ZNF195: variants seen among roughly 807,000 people sequenced by gnomAD.
ZNF195 encodes hypoxia-regulated factor-1.
Under a neutral mutation model 19.5 loss-of-function variants are expected in ZNF195, and 11 were observed. The ratio of observed to expected loss-of-function variants is 0.57; its 90% confidence interval spans 0.36 to 0.94. The LOEUF (loss-of-function observed/expected upper bound fraction) is 0.94. ZNF195 is among the 40% of genes least tolerant of loss of function. ZNF195 has a pLI of 0.01. For missense variants in ZNF195, 582 were observed against 709.0 expected, an observed-to-expected ratio of 0.82 and a Z score of 2.03; for synonymous variants, 214 against 248.1, an observed-to-expected ratio of 0.86 and a Z score of 1.29.
At position 3,359,330 on chromosome 11, in the gene ZNF195, T is replaced by G; in HGVS notation, c.1678A>C (p.Met560Leu). 1 of 1,613,924 alleles carries G rather than the reference T, an allele frequency of 6.2e-7. No homozygotes were observed. The highest frequency in any genetic ancestry group is 8.5e-7 in the Non-Finnish European group (1 of 1,179,896). ...TGTTTGGTAATGTCTGAGAACCACA[T>G]GAAGACTCTGCCACATTCTTCACAC... ...YKCEECGRVF[M>L]WFSDITKHKK... The change falls in exon 6 of 6, where the codon ATG becomes CTG. Residue 560 changes from methionine to leucine, a missense_variant. Coordinates refer to ENST00000399602, the MANE Select transcript of ZNF195 (RefSeq NM_001130520.3). This position sits in a 1 kb window ranked among gnomAD's most constrained non-coding sequence, Gnocchi z 5.5.
In ZNF195 at chr11:3,362,454, T is replaced by C. The variant is rs1589803458; in HGVS notation, c.227-565A>G. The C allele has an allele frequency of 1.3e-5, 5 of 389,516 alleles. No individual in the cohort carries two copies. The East Asian group carries it at 1.8e-4, about 14-fold the overall frequency. 24.1% of individuals were successfully genotyped at this position (389,516 alleles called of 1,614,324 possible). A position where few individuals can be genotyped will look rare whatever the true frequency, so the allele number is the denominator to read the frequency against. Reference sequence around the variant, plus strand: ...TTAATGGATATACAACATTAAATGATTTAGGGATATCAGTAACAAAGTTGA... The same window carrying C: ...TTAATGGATATACAACATTAAATGACTTAGGGATATCAGTAACAAAGTTGA... On this transcript the variant is annotated intron_variant, in intron 3 of 5. Transcript: ENST00000399602.
At chr11:3,370,176 T>C (rs975956379) in intron 3 of ZNF195, among the ~76,000 whole-genome samples, 3 of 151,932 alleles carry the variant, frequency 2.0e-5, no homozygotes, top group Non-Finnish European at 4.4e-5. Flanking sequence ...ATATTATATA[T>C]ACACACATAT....
intron 1 of ZNF195, among the ~76,000 whole-genome samples, chr11:3,372,814 C>T (rs2133725858): frequency 6.6e-6 from 1 of 152,372 alleles, no homozygotes; most frequent in South Asian, 2.1e-4. Flanking sequence ...TCACTGCTAC[C>T]TCTGCCTCCC....
At chr11:3,377,171 A>C (rs957253922) in intron 1 of ZNF195, among the ~76,000 whole-genome samples, 12 of 152,324 alleles carry the variant, frequency 7.9e-5, no homozygotes, top group African/African-American at 2.9e-4. Context: ...CTACTGATAA[A>C]ATGTAAATTT....
At chr11:3,372,168 C>T (rs1301390302) in intron 1 of ZNF195, among the ~76,000 whole-genome samples, 1 of 152,130 alleles carries the variant, frequency 6.6e-6, no homozygotes, top group Non-Finnish European at 1.5e-5. Flanking sequence ...TGTCAAAAAT[C>T]CTGTAAGTGG....
chr11:3,377,622 T>C (rs1164161599), intron 1 of ZNF195: 1 of 1,227,724 alleles, frequency 8.1e-7, no homozygotes, highest in South Asian at 1.5e-5. Flanking sequence ...GTTACCTCTT[T>C]AGAGGAAGAG....
In ZNF195 at chr11:3,359,904, G is replaced by A. The variant is rs373253796; in HGVS notation, c.1104C>T (p.Ser368=). The A allele has an allele frequency of 6.2e-7, 1 of 1,614,202 alleles. No homozygotes were observed. The highest frequency in any genetic ancestry group is 1.1e-5 in the South Asian group (1 of 91,092). ...ECSSVFISCS[S]LSNQQMILAG... ...CAAGAATCATCTGTTGATTAGAAAG[G>A]CTTGAGCAAGAGATAAAGACACTGC... Residue 368 remains serine, a synonymous_variant, in exon 6 of 6, where the codon AGC becomes AGT. Coordinates refer to ENST00000399602, the MANE Select transcript of ZNF195 (RefSeq NM_001130520.3). The surrounding 1 kb of genome is among the most constrained non-coding windows in gnomAD (Gnocchi z 5.5).
chr11:3,361,384 C>T (rs921543205), intron 4 of ZNF195, among the ~76,000 whole-genome samples: 1 of 152,044 alleles, frequency 6.6e-6, no homozygotes, highest in African/African-American at 2.4e-5. Context: ...CAGAAATCAA[C>T]CCTAAAATGA....
chr11:3,358,861 C>T lies in ZNF195; in HGVS notation c.*257G>A, dbSNP rs1848497101. 2 of 183,880 alleles carry T rather than the reference C, an allele frequency of 1.1e-5. No individual in the cohort carries two copies. The highest frequency in any genetic ancestry group is 2.6e-4 in the Admixed American group (2 of 7,724). 11.4% of individuals were successfully genotyped at this position (183,880 alleles called of 1,614,324 possible). On this transcript the variant is annotated 3_prime_UTR_variant, in exon 6 of 6. Coordinates refer to ENST00000399602, the MANE Select transcript of ZNF195 (RefSeq NM_001130520.3). ...TCATTTTTGAACAAATGTTATTCCA[C>T]ATTTATGAGATTTGTTGGGTTTCTC...
Position 3,360,761 on chromosome 11 carries a change from G to A in ZNF195, c.401C>T (p.Thr134Ile). 6.4e-7 allele frequency: 1 copy of A among 1,551,440 alleles called. No homozygotes were observed. The highest frequency in any genetic ancestry group is 8.7e-7 in the Non-Finnish European group (1 of 1,146,940). Residue 134 changes from threonine to isoleucine, a missense_variant, in exon 5 of 6, where the codon ACT (threonine) becomes ATT (isoleucine). By Grantham distance (89) the Thr-to-Ile change is moderately conservative. Coordinates refer to ENST00000399602, the MANE Select transcript of ZNF195 (RefSeq NM_001130520.3). Reference protein sequence around the residue: ...TALCSPGVLQTVKWFLEFRCI... With the variant: ...TALCSPGVLQIVKWFLEFRCI... ...TCTGAACTCTAAAAACCATTTCACA[G>A]TTTGCAGCACCCCAGGTGAGCACAG...
chr11:3,362,312 G>A (rs528386009), intron 3 of ZNF195, among the ~76,000 whole-genome samples: 22 of 152,200 alleles, frequency 1.4e-4, no homozygotes, highest in Non-Finnish European at 2.8e-4. Flanking sequence ...ATATGGAAAA[G>A]ATACGCATAT....
chr11:3,360,022 C>T lies in ZNF195; in HGVS notation c.986G>A (p.Cys329Tyr). The T allele has an allele frequency of 1.2e-6, 2 of 1,614,040 alleles. No individual in the cohort carries two copies. Among genetic ancestry groups the T allele is most frequent in the South Asian group, 2.2e-5 (2 of 91,088 alleles). Reference protein sequence around the residue: ...RIYAGGEHYRCEEFGKVFNQC... With the variant: ...RIYAGGEHYRYEEFGKVFNQC... ...GTTAAATACTTTGCCAAATTCTTCA[C>T]ATCTGTAATGTTCCCCTCCGGCATA... The change falls in exon 6 of 6, where the codon TGT becomes TAT. Residue 329 changes from cysteine to tyrosine, a missense_variant. Cys to Tyr is a radical substitution (Grantham distance 194). This residue lies in a region of ZNF195 where 407 missense variants were observed against 530.5 expected (regional missense o/e 0.77). Transcript: ENST00000399602.
chr11:3,367,334 G>GA (rs1848946784), intron 3 of ZNF195, among the ~76,000 whole-genome samples: 1 of 151,952 alleles, frequency 6.6e-6, no homozygotes, highest in African/African-American at 2.4e-5. Context: ...AAAACACTAA[G>GA]AGATGTTAGT....
chr11:3,372,580 A>G (rs1356273601), intron 1 of ZNF195, among the ~76,000 whole-genome samples: 2 of 151,982 alleles, frequency 1.3e-5, no homozygotes, highest in Non-Finnish European at 2.9e-5. Context: ...TCTGACAAAT[A>G]TCTCCCAGGT....
At chr11:3,371,458 T>C in intron 2 of ZNF195, 119 bp downstream of exon 2, 2 of 1,336,200 alleles carry the variant, frequency 1.5e-6, no homozygotes, top group Middle Eastern at 2.4e-4. Context: ...ATGTTTTTCT[T>C]AAAAGCAGGG....
chr11:3,375,531 A>C (rs4758577), intron 1 of ZNF195: 138,132 of 152,192 alleles, frequency 0.91, 62,770 homozygotes, highest in East Asian at 0.99. Flanking sequence ...CAAATGAAGC[A>C]GAAGTCCCTT....
In ZNF195 at chr11:3,359,659, G is replaced by A; in HGVS notation, c.1349C>T (p.Ser450Phe). 2 of 1,614,094 alleles carry A rather than the reference G, an allele frequency of 1.2e-6. No homozygotes were observed. The highest frequency in any genetic ancestry group is 1.7e-6 in the Non-Finnish European group (2 of 1,180,018). The part of the protein sequence containing the change: ...CDECGKAYTQ[S>F]SHLSEHRRIH... The stretch of plus-strand genomic sequence containing the variant: ...CCTCCTGTGTTCACTGAGGTGTGAG[G>A]ACTGTGTATAGGCTTTCCCACATTC... Residue 450 changes from serine (S) to phenylalanine (F), a missense_variant, in exon 6 of 6, where the codon TCC becomes TTC. Coordinates refer to ENST00000399602, the MANE Select transcript of ZNF195 (RefSeq NM_001130520.3). This position sits in a 1 kb window ranked among gnomAD's most constrained non-coding sequence, Gnocchi z 5.5.
intron 1 of ZNF195, among the ~76,000 whole-genome samples, chr11:3,374,725 G>T (rs10734324): frequency 0.91 from 138,190 of 152,296 alleles, 62,784 homozygotes; most frequent in East Asian, 0.99. Context: ...TATCATTAAC[G>T]TTTTAAAAGT....
chr11:3,371,126 C>T (rs1191095388), intron 2 of ZNF195, 56 bp from the exon 3 acceptor site: 5 of 1,546,900 alleles, frequency 3.2e-6, no homozygotes, highest in Non-Finnish European at 4.4e-6. Context: ...AATTATCAAC[C>T]TTGTACTGTG....
Sources: allele counts gnomAD v4.1 joint callset (sites outside exome capture counted in the v4.1 genomes callset), GRCh38; gene constraint gnomAD v4.1.1; regional missense constraint gnomAD v4.1.1; non-coding constraint Gnocchi (gnomAD v3.1); transcripts MANE v1.5; gene names NCBI Gene and HGNC (gene_info 2026-07-23, HGNC 2026-07-21).